The following ROBO1 variants were observed in gnomAD, a reference collection of about 807,000 sequenced individuals.
ROBO1 encodes the protein roundabout guidance receptor 1, also known as roundabout homolog 1.
In ROBO1, 149 loss-of-function variants were observed where a neutral mutation model predicts 195.9. The ratio of observed to expected loss-of-function variants is 0.76; its 90% CI spans 0.67 to 0.87. The LOEUF is 0.87. Ranked by LOEUF, ROBO1 falls within the 40% of genes least tolerant of loss-of-function variation. The probability of loss-of-function intolerance (pLI) is 0.00; values close to 1 mark genes in which losing one functional copy is unlikely to be tolerated. For synonymous variants in ROBO1, 816 were observed against 733.2 expected (o/e 1.11, Z -1.82); for missense variants, 1,933 against 2,068.3 (o/e 0.93, Z 1.27).
Position 78,646,203 on chromosome 3 carries a change from G to GAAA in ROBO1, c.2840-16_2840-14dup. The GAAA allele has an allele frequency of 3.6e-6, 5 of 1,388,674 alleles. No homozygotes were observed. Among genetic ancestry groups the GAAA allele is most frequent in the African/African-American group, 1.5e-5 (1 of 65,864 alleles). 86.0% of individuals were successfully genotyped at this position (1,388,674 alleles called of 1,614,324 possible). On this transcript the variant is annotated splice_polypyrimidine_tract_variant and intron_variant, in intron 20 of 30. Coordinates refer to ENST00000464233, the MANE Select transcript of ROBO1 (RefSeq NM_002941.4). ...CTCTGGTAAGTTACTAGAATGTTAC[G>GAAA]AAAAAAAAAAGGAACAATTAATAGA...
Position 78,617,740 on chromosome 3 carries a change from A to T in ROBO1, c.4177T>A (p.Ser1393Thr). ...ISSGRSSVSS[S>T]DGSFFTDADF... is the part of the protein sequence containing the mutation. ...GCATCAGTGAAAAAGGAGCCGTCCG[A>T]AGAACTAACACTGGAGCGTCCGCTG... is the stretch of plus-strand genomic sequence containing the variant. Residue 1393 changes from serine (S) to threonine (T), a missense_variant, in exon 27 of 31, where the codon TCG (serine) becomes ACG (threonine). Transcript: ENST00000464233. 1 of 1,613,962 alleles carries T rather than the reference A, an allele frequency of 6.2e-7. No individual in the cohort carries two copies. Among genetic ancestry groups the T allele is most frequent in the Admixed American group, 1.7e-5 (1 of 60,016 alleles).
At chr3:79,286,031 T>A (rs778731411) in intron 2 of ROBO1, among the ~76,000 whole-genome samples, 3 of 152,166 alleles carry the variant, frequency 2.0e-5, no homozygotes, top group Non-Finnish European at 4.4e-5. Context: ...GAGCTACGTA[T>A]AAACTTGTAA....
At chr3:79,726,942 T>C (rs1702952665) in intron 1 of ROBO1, among the ~76,000 whole-genome samples, 1 of 152,214 alleles carries the variant, frequency 6.6e-6, no homozygotes, top group African/African-American at 2.4e-5. Flanking sequence ...CACCATCTCA[T>C]AGTCTTAGGT....
At position 78,663,836 on chromosome 3, in the gene ROBO1, T is replaced by C. The variant is rs566885465; in HGVS notation, c.1967-1722A>G. 2.0e-5 allele frequency among the ~76,000 whole-genome samples: 3 copies of C among 152,336 alleles called. No individual in the cohort carries two copies. In the East Asian group the frequency reaches 5.8e-4, roughly 29 times the overall value. Reference sequence around the variant, plus strand: ...TGTATTCATGTGTGGAAAACACACATATGATGTCAGTTTCCAAGTACTTCC... The same window carrying C: ...TGTATTCATGTGTGGAAAACACACACATGATGTCAGTTTCCAAGTACTTCC... On this transcript the variant is annotated intron_variant, in intron 14 of 30. Transcript: ENST00000464233.
Position 79,614,010 on chromosome 3 carries a change from T to C in ROBO1, c.-50-24049A>G, listed in dbSNP as rs139580792. 7.8e-3 allele frequency among the ~76,000 whole-genome samples: 1,188 copies of C among 151,972 alleles called. 9 individuals are homozygous for C. The highest frequency in any genetic ancestry group is 0.013 in the Non-Finnish European group (885 of 67,904). ...TACACCTAACAACAGAGATTTAAAA[T>C]GCATAAAGAAAAAAGATAAAATAAA... On this transcript the variant is annotated intron_variant, in intron 1 of 30. Coordinates refer to ENST00000464233, the MANE Select transcript of ROBO1 (RefSeq NM_002941.4).
chr3:79,556,936 T>A (rs1333426157), intron 2 of ROBO1, among the ~76,000 whole-genome samples: 1 of 151,088 alleles, frequency 6.6e-6, no homozygotes, highest in Non-Finnish European at 1.5e-5. Context: ...TTATTTTTAT[T>A]TTTTATCTCA....
chr3:78,788,308 C>G (rs1201868820), intron 4 of ROBO1, among the ~76,000 whole-genome samples: 2 of 151,010 alleles, frequency 1.3e-5, no homozygotes. Flanking sequence ...TTAGTAGAGA[C>G]GGGGTTTCAC....
chr3:79,511,813 T>C (rs1289298601), intron 2 of ROBO1, among the ~76,000 whole-genome samples: 1 of 152,040 alleles, frequency 6.6e-6, no homozygotes, highest in Non-Finnish European at 1.5e-5. Context: ...AGCAAATTAA[T>C]GCAGGAACAG....
chr3:79,450,901 T>G (rs534018468), intron 2 of ROBO1, among the ~76,000 whole-genome samples: 15 of 151,996 alleles, frequency 9.9e-5, no homozygotes, highest in Non-Finnish European at 1.2e-4. Context: ...TGATTTTATT[T>G]CAGACACTAT....
intron 4 of ROBO1, among the ~76,000 whole-genome samples, chr3:78,868,762 C>A (rs1198269425): frequency 6.6e-6 from 1 of 152,146 alleles, no homozygotes; most frequent in African/African-American, 2.4e-5. Flanking sequence ...TACATCACAG[C>A]TGTCTTCCAT....
At chr3:79,527,986 T>C (rs1163283205) in intron 2 of ROBO1, 2 of 14,968 alleles carry the variant, frequency 1.3e-4, no homozygotes, top group African/African-American at 4.3e-3. Flanking sequence ...AGTAACCAAA[T>C]TGAGAAGTTA....
chr3:79,373,330 G>T (rs2109345646), intron 2 of ROBO1, among the ~76,000 whole-genome samples: 1 of 151,334 alleles, frequency 6.6e-6, no homozygotes, highest in Admixed American at 6.6e-5. Flanking sequence ...GGGGTTCCTT[G>T]TCTACCCATT....
At position 79,125,446 on chromosome 3, in the gene ROBO1, G is replaced by A; in HGVS notation, c.172+10C>T. ...GGAGGAAGTTAGTATTTGGGAAAGA[G>A]ACACTCTACCTGTATAGCCCAGCGA... On this transcript the variant is annotated intron_variant, in intron 3 of 30. Transcript: ENST00000464233. 6.2e-7 allele frequency: 1 copy of A among 1,611,606 alleles called. No homozygotes were observed. The highest frequency in any genetic ancestry group is 8.5e-7 in the Non-Finnish European group (1 of 1,178,232).
At position 78,821,207 on chromosome 3, in the gene ROBO1, C is replaced by T. The variant is rs1325531943; in HGVS notation, c.500-74307G>A. Among the ~76,000 whole-genome samples, 3 of 148,684 alleles carry T rather than the reference C, an allele frequency of 2.0e-5. No individual in the cohort carries two copies. In the East Asian group the frequency reaches 5.9e-4, roughly 29 times the overall value. On this transcript the variant is annotated intron_variant, in intron 4 of 30. Coordinates refer to ENST00000464233, the MANE Select transcript of ROBO1 (RefSeq NM_002941.4). ...TTGAGACAGAGTCTTACTCTGTCAC[C>T]CAGGCTGGAGTACAGTGGTGCGATC...
At chr3:79,392,523 C>T (rs766297170) in intron 2 of ROBO1, among the ~76,000 whole-genome samples, 14 of 152,144 alleles carry the variant, frequency 9.2e-5, no homozygotes, top group Admixed American at 2.0e-4. Flanking sequence ...TGGGTTTTTA[C>T]CTTCAGGGAG....
At chr3:79,501,325 C>A (rs1221880564) in intron 2 of ROBO1, among the ~76,000 whole-genome samples, 1 of 152,148 alleles carries the variant, frequency 6.6e-6, no homozygotes, top group African/African-American at 2.4e-5. Flanking sequence ...ACCTCAATGA[C>A]TTTTTCACTG....
chr3:78,673,048 C>A (rs1708157658), intron 10 of ROBO1, among the ~76,000 whole-genome samples: 1 of 152,096 alleles, frequency 6.6e-6, no homozygotes, highest in South Asian at 2.1e-4. Context: ...ATTGGATATG[C>A]AATTGTATTT....
intron 3 of ROBO1, among the ~76,000 whole-genome samples, chr3:79,013,946 T>TA (rs1366627628): frequency 3.9e-5 from 6 of 152,192 alleles, no homozygotes; most frequent in Admixed American, 3.3e-4. Context: ...GCAAAAGCGT[T>TA]ACCATACAGA....
chr3:79,634,478 C>T (rs937204022), intron 1 of ROBO1, among the ~76,000 whole-genome samples: 1 of 152,104 alleles, frequency 6.6e-6, no homozygotes, highest in Non-Finnish European at 1.5e-5. Flanking sequence ...ATCTCATTAT[C>T]ATAAGGCTCT....
Sources: gnomAD v4.1 joint callset for allele counts (sites outside exome capture counted in the v4.1 genomes callset) on GRCh38, gnomAD v4.1.1 for gene constraint, MANE v1.5 for transcripts, NCBI Gene and HGNC (gene_info 2026-07-23, HGNC 2026-07-21) for gene names.